The following EPHB1 variants were observed in gnomAD, a reference collection of about 807,000 sequenced individuals.
The protein encoded by EPHB1 is EPH receptor B1.
EPHB1 carries 30 observed loss-of-function variants against 94.4 expected under a neutral mutation model. That is an observed-to-expected ratio of 0.32 (90% CI 0.24 to 0.43). The LOEUF is 0.43. EPHB1 is among the 20% of genes least tolerant of loss of function. The probability of loss-of-function intolerance (pLI) is 1.00; values close to 1 mark genes in which losing one functional copy is unlikely to be tolerated. For missense variants in EPHB1, 1,055 were observed against 1,308.3 expected (o/e 0.81, Z 2.99); for synonymous variants, 522 against 489.1 (o/e 1.07, Z -0.89).
At chr3:134,962,027 T>G (rs2107722215) in intron 3 of EPHB1, among the ~76,000 whole-genome samples, 1 of 152,336 alleles carries the variant, frequency 6.6e-6, no homozygotes, top group Non-Finnish European at 1.5e-5. Flanking sequence ...ATATATAAAT[T>G]TTTAATTTTG....
At chr3:135,082,555 G>T (rs1158107034) in intron 3 of EPHB1, among the ~76,000 whole-genome samples, 1 of 152,224 alleles carries the variant, frequency 6.6e-6, no homozygotes, top group East Asian at 1.9e-4. Flanking sequence ...TGTAGGGACA[G>T]TGCTAAGGGG....
At chr3:135,044,206 C>G (rs1347628042) in intron 3 of EPHB1, among the ~76,000 whole-genome samples, 1 of 152,152 alleles carries the variant, frequency 6.6e-6, no homozygotes, top group African/African-American at 2.4e-5. Context: ...GTGGGAGAAT[C>G]CTGATGCTTT....
chr3:135,170,995 T>C (rs1210828642), intron 9 of EPHB1, among the ~76,000 whole-genome samples: 1 of 152,228 alleles, frequency 6.6e-6, no homozygotes, highest in Admixed American at 6.5e-5. Context: ...CCAAAGACTT[T>C]AGATTGGCAA....
chr3:135,201,697 C>T lies in EPHB1; in HGVS notation c.2346+8C>T, dbSNP rs2107713207. Reference sequence around the variant, plus strand: ...ACCTACACCAGCTCCTTGGTGAGTCCTTCTTGGCATTCTCAAGTAGAAGCA... The same window carrying T: ...ACCTACACCAGCTCCTTGGTGAGTCTTTCTTGGCATTCTCAAGTAGAAGCA... On this transcript the variant is annotated splice_region_variant and intron_variant, in intron 12 of 15. Coordinates refer to ENST00000398015, the MANE Select transcript of EPHB1 (RefSeq NM_004441.5). 1 of 1,612,074 alleles carries T rather than the reference C, an allele frequency of 6.2e-7. No homozygotes were observed. Among genetic ancestry groups the T allele is most frequent in the Non-Finnish European group, 8.5e-7 (1 of 1,178,638 alleles).
At chr3:135,077,691 A>G (rs547658087) in intron 3 of EPHB1, among the ~76,000 whole-genome samples, 4 of 152,316 alleles carry the variant, frequency 2.6e-5, no homozygotes, top group East Asian at 1.9e-4. Flanking sequence ...AGATGCATAC[A>G]TGGCACATCC....
chr3:135,095,549 C>G (rs1938725602), intron 3 of EPHB1, among the ~76,000 whole-genome samples: 1 of 152,144 alleles, frequency 6.6e-6, no homozygotes. Flanking sequence ...GATTCTGTTT[C>G]TTCCCAATTT....
chr3:135,183,243 C>A (rs375262533), intron 10 of EPHB1, among the ~76,000 whole-genome samples: 2 of 112,492 alleles, frequency 1.8e-5, no homozygotes, highest in East Asian at 5.5e-4. Context: ...TCCCTCCCTC[C>A]CTTTCTTCCT....
At chr3:135,164,919 G>C (rs1171208573) in intron 7 of EPHB1, among the ~76,000 whole-genome samples, 1 of 151,642 alleles carries the variant, frequency 6.6e-6, no homozygotes, top group Non-Finnish European at 1.5e-5. Flanking sequence ...TTTAGTGTAA[G>C]TATCTCCCAA....
chr3:135,008,258 A>G, intron 3 of EPHB1, among the ~76,000 whole-genome samples: 1 of 152,238 alleles, frequency 6.6e-6, no homozygotes, highest in East Asian at 1.9e-4. Flanking sequence ...AGTGCTTACT[A>G]TGTGTCCTAT....
chr3:135,145,725 T>G (rs1160398536), intron 5 of EPHB1, among the ~76,000 whole-genome samples: 1 of 152,166 alleles, frequency 6.6e-6, no homozygotes, highest in African/African-American at 2.4e-5. Context: ...AGAGAAGAAC[T>G]TCTATCTCTA....
chr3:135,122,795 C>G (rs754675673), intron 4 of EPHB1, among the ~76,000 whole-genome samples: 12 of 152,178 alleles, frequency 7.9e-5, no homozygotes, highest in Non-Finnish European at 1.6e-4. Context: ...AAATGTGTAG[C>G]ACTAGGCTCT....
Position 134,795,349 on chromosome 3 carries a change from C to T in EPHB1, c.-283C>T, listed in dbSNP as rs930181324. 8.6e-5 allele frequency: 43 copies of T among 497,424 alleles called. No homozygotes were observed. The highest frequency in any genetic ancestry group is 7.4e-4 in the African/African-American group (36 of 48,770). 30.8% of individuals were successfully genotyped at this position (497,424 alleles called of 1,614,324 possible). ...TCGCTCTCGCGCGCTCTCCCAGGCTCGTTCTCCCTCGCCCTCTCTCTCTCA... is the reference window on the plus strand; with the variant it reads ...TCGCTCTCGCGCGCTCTCCCAGGCTTGTTCTCCCTCGCCCTCTCTCTCTCA... On this transcript the variant is annotated 5_prime_UTR_variant, in exon 1 of 16. Transcript: ENST00000398015.
intron 1 of EPHB1, among the ~76,000 whole-genome samples, chr3:134,914,396 A>T (rs1278558762): frequency 6.6e-6 from 1 of 152,230 alleles, no homozygotes; most frequent in Non-Finnish European, 1.5e-5. Flanking sequence ...ACCCTCATTT[A>T]GTGGATGGCT....
chr3:134,848,527 C>T (rs2036919048), intron 1 of EPHB1, among the ~76,000 whole-genome samples: 2 of 152,134 alleles, frequency 1.3e-5, no homozygotes, highest in Admixed American at 6.5e-5. Flanking sequence ...CTGGAGCTTT[C>T]GTCTTTATTA....
At chr3:134,824,425 C>T (rs773055455) in intron 1 of EPHB1, among the ~76,000 whole-genome samples, 9 of 152,130 alleles carry the variant, frequency 5.9e-5, no homozygotes, top group Non-Finnish European at 8.8e-5. Flanking sequence ...AGCAGCACAT[C>T]ACTAACTGAT....
intron 2 of EPHB1, among the ~76,000 whole-genome samples, chr3:134,934,380 G>A (rs2038960256): frequency 6.6e-6 from 1 of 152,194 alleles, no homozygotes; most frequent in Admixed American, 6.5e-5. Context: ...AGTGATGGAA[G>A]GCAGTGGCCA....
intron 1 of EPHB1, among the ~76,000 whole-genome samples, chr3:134,882,774 CTT>C (rs56405093): frequency 3.8e-5 from 2 of 52,380 alleles, no homozygotes; most frequent in African/African-American, 1.3e-4. Flanking sequence ...TCCTTTCTTT[CTT>C]TCTTTCTTTC....
chr3:135,041,090 G>A (rs1936824061), intron 3 of EPHB1, among the ~76,000 whole-genome samples: 1 of 152,134 alleles, frequency 6.6e-6, no homozygotes, highest in African/African-American at 2.4e-5. Context: ...CACCACCTGG[G>A]GCCTCTTCCC....
chr3:134,938,306 C>T (rs944913976), intron 2 of EPHB1, among the ~76,000 whole-genome samples: 2 of 152,144 alleles, frequency 1.3e-5, no homozygotes, highest in Non-Finnish European at 1.5e-5. Flanking sequence ...ATAGGGAGCC[C>T]CCTGCCCAGA....
Sources: gnomAD v4.1 joint callset for allele counts (sites outside exome capture counted in the v4.1 genomes callset) on GRCh38, gnomAD v4.1.1 for gene constraint, MANE v1.5 for transcripts, NCBI Gene and HGNC (gene_info 2026-07-23, HGNC 2026-07-21) for gene names.